The following SEMA6D variants were observed in gnomAD, a reference collection of about 807,000 sequenced individuals.
SEMA6D encodes semaphorin-6D.
A neutral mutation model predicts 106.6 loss-of-function variants in SEMA6D; 35 were observed. The observed-to-expected ratio is 0.33, with a 90% CI of 0.25 to 0.44. SEMA6D has a LOEUF of 0.44. Among genes scored for constraint, SEMA6D ranks in the 20% least tolerant of loss-of-function variants. The pLI is 1.00. For missense variants in SEMA6D, 1,185 were observed against 1,345.9 expected (o/e 0.88, Z 1.87); for synonymous variants, 499 against 487.7 (o/e 1.02, Z -0.31).
intron 1 of SEMA6D, among the ~76,000 whole-genome samples, chr15:47,372,640 A>T (rs180794663): frequency 1.5e-4 from 23 of 152,334 alleles, no homozygotes; most frequent in Admixed American, 5.2e-4. Flanking sequence ...GGTAAATGTC[A>T]GTGGAAAATC....
chr15:47,739,616 G>C (rs1309024048), intron 1 of SEMA6D, among the ~76,000 whole-genome samples: 1 of 152,182 alleles, frequency 6.6e-6, no homozygotes, highest in Admixed American at 6.5e-5. Flanking sequence ...CTAATGTGTT[G>C]ACAGCCATAT....
chr15:47,652,323 G>A (rs1186081564), intron 4 of SEMA6D, among the ~76,000 whole-genome samples: 1 of 152,126 alleles, frequency 6.6e-6, no homozygotes, highest in Non-Finnish European at 1.5e-5. Context: ...TGTTTATAGG[G>A]AGCTAGTACC....
chr15:47,525,786 A>G (rs891960510), intron 3 of SEMA6D, among the ~76,000 whole-genome samples: 1 of 152,218 alleles, frequency 6.6e-6, no homozygotes, highest in Non-Finnish European at 1.5e-5. Flanking sequence ...AGGGTAGAAG[A>G]GGCAAGGGAG....
At position 47,770,720 on chromosome 15, in the gene SEMA6D, T is replaced by G; in HGVS notation, c.2157T>G (p.Gly719=). 6.2e-7 allele frequency: 1 copy of G among 1,614,060 alleles called. No homozygotes were observed. Among genetic ancestry groups the G allele is most frequent in the Non-Finnish European group, 8.5e-7 (1 of 1,179,972 alleles). Residue 719 remains glycine, a synonymous_variant, in exon 19 of 19, where the codon GGT becomes GGG. Coordinates refer to ENST00000536845, the MANE Select transcript of SEMA6D (RefSeq NM_001358351.3). The stretch of plus-strand genomic sequence containing the variant: ...GTGGAAGTTTTGCCAAACTGAATGG[T>G]CTCTTTGACAGCCCTGTCAAGGAAT... The part of the protein sequence containing the change: ...DSSGSFAKLN[G]LFDSPVKEYQ...
At chr15:47,414,465 A>G (rs564854812) in intron 2 of SEMA6D, among the ~76,000 whole-genome samples, 1 of 152,182 alleles carries the variant, frequency 6.6e-6, no homozygotes, top group Non-Finnish European at 1.5e-5. Flanking sequence ...AAAAAGTAAG[A>G]GAAACACGCA....
intron 3 of SEMA6D, among the ~76,000 whole-genome samples, chr15:47,500,493 A>G (rs2043813464): frequency 6.6e-6 from 1 of 152,184 alleles, no homozygotes; most frequent in African/African-American, 2.4e-5. Flanking sequence ...ATCATTTTAT[A>G]TAAATTTAAT....
intron 3 of SEMA6D, among the ~76,000 whole-genome samples, chr15:47,581,987 C>T (rs1027343814): frequency 2.6e-5 from 4 of 152,138 alleles, no homozygotes; most frequent in African/African-American, 4.8e-5. Context: ...GGAAATTTTC[C>T]CAGATTGTCC....
At chr15:47,624,216 C>T (rs906899493) in intron 4 of SEMA6D, among the ~76,000 whole-genome samples, 4 of 152,190 alleles carry the variant, frequency 2.6e-5, no homozygotes, top group African/African-American at 4.8e-5. Context: ...ATAGACACTG[C>T]GTGTTCTTGG....
At chr15:47,400,223 C>T (rs1480649835) in intron 1 of SEMA6D, among the ~76,000 whole-genome samples, 2 of 152,150 alleles carry the variant, frequency 1.3e-5, no homozygotes, top group South Asian at 2.1e-4. Context: ...AGCGTGGTGG[C>T]TTATGCCTGT....
chr15:47,583,408 C>T (rs113344969), intron 3 of SEMA6D, among the ~76,000 whole-genome samples: 3 of 152,144 alleles, frequency 2.0e-5, no homozygotes, highest in South Asian at 2.1e-4. Context: ...ATCTTCTGCT[C>T]GTGAGACCAT....
At chr15:47,205,308 G>A (rs779158661) in intron 1 of SEMA6D, among the ~76,000 whole-genome samples, 2 of 152,110 alleles carry the variant, frequency 1.3e-5, no homozygotes, top group African/African-American at 4.8e-5. Flanking sequence ...GTTTCCACAT[G>A]TGTCCTTCTA....
rs114952226 is a variant in SEMA6D, at chr15:47,721,165, A to T, written c.-55+3473A>T. On this transcript the variant is annotated intron_variant, in intron 1 of 18. Transcript: ENST00000536845. Reference sequence around the variant, plus strand: ...CAATAGAGCAAAAATAGAAGGAAATAAAGGATGGGAAAACAGACCTTTTGA... The same window carrying T: ...CAATAGAGCAAAAATAGAAGGAAATTAAGGATGGGAAAACAGACCTTTTGA... Among the ~76,000 whole-genome samples the T allele has an allele frequency of 5.8e-3, 890 of 152,376 alleles. 9 individuals are homozygous for T. Among genetic ancestry groups the T allele is most frequent in the African/African-American group, 0.02 (832 of 41,596 alleles).
At chr15:47,536,686 G>A (rs2045178437) in intron 3 of SEMA6D, among the ~76,000 whole-genome samples, 1 of 152,090 alleles carries the variant, frequency 6.6e-6, no homozygotes, top group South Asian at 2.1e-4. Context: ...ATGTAGTTAA[G>A]AACAAAACAT....
At chr15:47,251,979 G>A (rs866118246) in intron 1 of SEMA6D, among the ~76,000 whole-genome samples, 18 of 133,400 alleles carry the variant, frequency 1.3e-4, no homozygotes, top group South Asian at 2.3e-4. Flanking sequence ...GCAGTGGCGC[G>A]ATCTCGGCTC....
intron 1 of SEMA6D, among the ~76,000 whole-genome samples, chr15:47,384,832 TTTTTTTTTTTTTTG>T (rs2039771302): frequency 6.9e-6 from 1 of 145,338 alleles, no homozygotes; most frequent in South Asian, 2.3e-4. Context: ...TTTTTTTTTT[TTTTTTTTTTTTTTG>T]TAAGAAAAAG....
intron 1 of SEMA6D, among the ~76,000 whole-genome samples, chr15:47,236,735 A>G (rs2032569976): frequency 6.6e-6 from 1 of 152,192 alleles, no homozygotes; most frequent in African/African-American, 2.4e-5. Flanking sequence ...AAAGGGAATA[A>G]GAAAAAGCTG....
At chr15:47,751,886 G>A (rs991705779) in intron 1 of SEMA6D, among the ~76,000 whole-genome samples, 4 of 152,118 alleles carry the variant, frequency 2.6e-5, no homozygotes, top group African/African-American at 9.7e-5. Context: ...TAAAAAATTA[G>A]GGGGACTTAA....
intron 1 of SEMA6D, among the ~76,000 whole-genome samples, chr15:47,340,851 C>A (rs569309125): frequency 6.6e-6 from 1 of 152,162 alleles, no homozygotes; most frequent in Non-Finnish European, 1.5e-5. Flanking sequence ...TTCTCAATAT[C>A]TCCTGGTGCC....
At chr15:47,506,472 T>C (rs1471282893) in intron 3 of SEMA6D, among the ~76,000 whole-genome samples, 1 of 152,072 alleles carries the variant, frequency 6.6e-6, no homozygotes, top group African/African-American at 2.4e-5. Flanking sequence ...GATACCAAAA[T>C]ATGGAATCAA....
Sources: allele counts gnomAD v4.1 joint callset (sites outside exome capture counted in the v4.1 genomes callset), GRCh38; gene constraint gnomAD v4.1.1; transcripts MANE v1.5; gene names NCBI Gene and HGNC (gene_info 2026-07-23, HGNC 2026-07-21).